ANK3: variants seen among roughly 807,000 people sequenced by gnomAD.
The protein encoded by ANK3 is ankyrin-3.
A neutral mutation model predicts 370.9 loss-of-function variants in ANK3; 57 were observed. The observed-to-expected ratio is 0.15, with a 90% CI of 0.12 to 0.19. The LOEUF (loss-of-function observed/expected upper bound fraction) is 0.19. Among genes scored for constraint, ANK3 ranks in the 10% least tolerant of loss-of-function variants. The pLI, the probability that ANK3 is intolerant of heterozygous loss-of-function variation, is 1.00. For missense variants in ANK3, 4,439 were observed against 5,302.1 expected (o/e 0.84, Z 5.06); for synonymous variants, 1,929 against 1,946.3 (o/e 0.99, Z 0.23).
At chr10:60,678,983 T>C (rs1427949177) in intron 1 of ANK3, among the ~76,000 whole-genome samples, 5 of 152,064 alleles carry the variant, frequency 3.3e-5, no homozygotes, top group Non-Finnish European at 7.4e-5. Flanking sequence ...GGAGATCACA[T>C]AGCAAAGGCA....
rs149397890 is a variant in ANK3, at chr10:60,055,470, CT to C, written c.13065+187del. Among the ~76,000 whole-genome samples the C allele has an allele frequency of 1.4e-3, 217 of 150,214 alleles. 5 individuals are homozygous for C. The East Asian group carries it at 0.035, about 24-fold the overall frequency. ...GAAATGGCATACATTTTACTTGGAA[CT>C]TTTTTTTTTACCTATGTGTTTAACT... On this transcript the variant is annotated intron_variant, in intron 42 of 43. Transcript: ENST00000280772.
intron 2 of ANK3, chr10:60,573,021 A>C: frequency 3.0e-6 from 3 of 987,426 alleles, no homozygotes; most frequent in Non-Finnish European, 3.6e-6. Flanking sequence ...GGGAAGCTGA[A>C]TGTAAATTGC....
rs1448545099 is a variant in ANK3, at chr10:60,070,980, T to C, written c.9901A>G (p.Arg3301Gly). ...DKYQLAEPVI[R>G]VQPPSPVPPG... Reference sequence around the variant, plus strand: ...GGAACTGGTGAAGGTGGCTGCACTCTAATGACAGGTTCAGCCAGCTGGTAC... The same window carrying C: ...GGAACTGGTGAAGGTGGCTGCACTCCAATGACAGGTTCAGCCAGCTGGTAC... Residue 3301 changes from arginine to glycine, a missense_variant, in exon 37 of 44, where the codon AGA becomes GGA. Around this residue, in one of 13 missense-constraint regions of ANK3, gnomAD observed 1,601 missense variants for 1,731.7 expected, o/e 0.92. Transcript: ENST00000280772. The surrounding 1 kb of genome is among the most constrained non-coding windows in gnomAD (Gnocchi z 5.7). The C allele has an allele frequency of 6.2e-7, 1 of 1,614,034 alleles. No homozygotes were observed. Among genetic ancestry groups the C allele is most frequent in the Admixed American group, 1.7e-5 (1 of 59,998 alleles).
At chr10:60,559,429 T>A (rs1481770125) in intron 2 of ANK3, among the ~76,000 whole-genome samples, 1 of 152,188 alleles carries the variant, frequency 6.6e-6, no homozygotes, top group African/African-American at 2.4e-5. Flanking sequence ...CAAGTTGCCG[T>A]GAATGCCATT....
intron 1 of ANK3, among the ~76,000 whole-genome samples, chr10:60,352,007 A>G (rs776667419): frequency 6.6e-6 from 1 of 152,250 alleles, no homozygotes; most frequent in Non-Finnish European, 1.5e-5. Flanking sequence ...ATTAAAATAA[A>G]TAGCAAGGCC....
rs192191124 is a variant in ANK3 at position 60,425,434 on chromosome 10, T to C, written c.97-145795A>G. 1.9e-3 allele frequency among the ~76,000 whole-genome samples: 288 copies of C among 152,282 alleles called. 2 individuals carry two copies. Among genetic ancestry groups the C allele is most frequent in the African/African-American group, 6.8e-3 (281 of 41,576 alleles). ...TCCCTTTCCACTTCTATTGTCAAGT[T>C]CTATGTGTTTAAACAATAGATTTCT... On this transcript the variant is annotated intron_variant, in intron 2 of 43. Coordinates refer to the ANK3 transcript ENST00000373827.
rs188601604 is a variant in ANK3, at chr10:60,236,427, C to A, written c.799-1641G>T. On this transcript the variant is annotated intron_variant, in intron 7 of 43. Transcript: ENST00000280772. ...TTGCATTAGGTTGAGTCCTTTAAGTCTTTCTTAATCTCCACAGCTCCTCTA... is the reference window on the plus strand; with the variant it reads ...TTGCATTAGGTTGAGTCCTTTAAGTATTTCTTAATCTCCACAGCTCCTCTA... 2.0e-5 allele frequency among the ~76,000 whole-genome samples: 3 copies of A among 151,862 alleles called. No individual in the cohort carries two copies. In the East Asian group the frequency reaches 5.8e-4, roughly 29 times the overall value.
chr10:60,634,109 A>C (rs1261955658), intron 1 of ANK3, among the ~76,000 whole-genome samples: 1 of 152,186 alleles, frequency 6.6e-6, no homozygotes, highest in Admixed American at 6.5e-5. Context: ...TGATTCACTA[A>C]TTCTGTATAA....
intron 1 of ANK3, among the ~76,000 whole-genome samples, chr10:60,303,863 A>G (rs1040995107): frequency 2.0e-5 from 3 of 148,252 alleles, no homozygotes; most frequent in African/African-American, 5.1e-5. Context: ...AATGAATAAA[A>G]TGTGGTGTAT....
intron 2 of ANK3, among the ~76,000 whole-genome samples, chr10:60,579,166 A>G (rs1052309342): frequency 6.6e-6 from 1 of 151,908 alleles, no homozygotes; most frequent in Non-Finnish European, 1.5e-5. Flanking sequence ...CTCTACTAAA[A>G]ATACAAAAAT....
rs773893361 is a variant in ANK3, at chr10:60,084,608, A to G, written c.4068T>C (p.Asp1356=). The part of the protein sequence containing the change: ...ENFEEVARSK[D]IEVLEGKPIY... ...GTTTTTGTGAACAAGGTACCTCAAT[A>G]TCTTTGCTTCTTGCGACTTCCTCAA... is the stretch of plus-strand genomic sequence containing the variant. Residue 1356 remains aspartate, a synonymous_variant, in exon 32 of 44, where the codon GAT becomes GAC. Transcript: ENST00000280772. The G allele has an allele frequency of 2.6e-5, 42 of 1,613,490 alleles. No homozygotes were observed. The highest frequency in any genetic ancestry group is 3.5e-5 in the Non-Finnish European group (41 of 1,179,686).
At chr10:60,559,624 G>A (rs2077288995) in intron 2 of ANK3, among the ~76,000 whole-genome samples, 1 of 152,130 alleles carries the variant, frequency 6.6e-6, no homozygotes, top group South Asian at 2.1e-4. Context: ...CAGTTGTACA[G>A]AATTCAAACT....
At chr10:60,466,045 C>T (rs1374994558) in intron 2 of ANK3, among the ~76,000 whole-genome samples, 1 of 152,132 alleles carries the variant, frequency 6.6e-6, no homozygotes, top group Admixed American at 6.6e-5. Context: ...CTTCCTCCTG[C>T]ATCACACCAT....
chr10:60,715,868 G>GA (rs2132019480), intron 1 of ANK3, among the ~76,000 whole-genome samples: 2 of 142 alleles, frequency 0.014, no homozygotes, highest in South Asian at 0.33. Flanking sequence ...GGACCATGCT[G>GA]ACCAATCAGC....
chr10:60,733,412 A>G, exon 1 of ANK3: 4 of 1,140,582 alleles, frequency 3.5e-6, no homozygotes, highest in Non-Finnish European at 4.4e-6. Flanking sequence ...CTTCTTGGGA[A>G]AAAGTTCGGC....
intron 1 of ANK3, among the ~76,000 whole-genome samples, chr10:60,325,895 A>T (rs553772518): frequency 7.4e-4 from 112 of 152,346 alleles, no homozygotes; most frequent in African/African-American, 2.5e-3. Flanking sequence ...CCCATCAATG[A>T]TAGACCGAAT....
In ANK3 at chr10:60,069,441, G is replaced by C; in HGVS notation, c.11440C>G (p.Pro3814Ala). 1 of 1,614,010 alleles carries C rather than the reference G, an allele frequency of 6.2e-7. No homozygotes were observed. Among genetic ancestry groups the C allele is most frequent in the Non-Finnish European group, 8.5e-7 (1 of 1,179,992 alleles). The change falls in exon 37 of 44, where the codon CCC (proline) becomes GCC (alanine). Residue 3814 changes from proline to alanine, a missense_variant. By Grantham distance (27) the Pro-to-Ala change is conservative. Around this residue, in one of 13 missense-constraint regions of ANK3, gnomAD observed 496 missense variants for 529.3 expected, o/e 0.94. Transcript: ENST00000280772. The part of the protein sequence containing the change: ...SNIVLTEHSA[P>A]TCTTEKDNPV... ...TTATCTTTCTCTGTGGTACAAGTGG[G>C]TGCAGAATGTTCTGTCAGAACTATA...
chr10:60,706,630 T>C (rs1386061565), intron 1 of ANK3, among the ~76,000 whole-genome samples: 1 of 152,238 alleles, frequency 6.6e-6, no homozygotes, highest in Non-Finnish European at 1.5e-5. Context: ...CTTTCCTCTT[T>C]CTTTAACTCT....
intron 1 of ANK3, among the ~76,000 whole-genome samples, chr10:60,698,590 A>G (rs1225084867): frequency 6.7e-6 from 1 of 149,834 alleles, no homozygotes; most frequent in Non-Finnish European, 1.5e-5. Flanking sequence ...TGATGAGTTC[A>G]TGTCCTTTGT....
Sources: gnomAD v4.1 joint callset for allele counts (sites outside exome capture counted in the v4.1 genomes callset) on GRCh38, gnomAD v4.1.1 for gene constraint, gnomAD v4.1.1 regional missense constraint, Gnocchi (gnomAD v3.1) non-coding constraint, MANE v1.5 for transcripts, NCBI Gene and HGNC (gene_info 2026-07-23, HGNC 2026-07-21) for gene names.